The following SPOCK3 variants were observed in gnomAD, a reference collection of about 807,000 sequenced individuals.
SPOCK3 encodes the protein testican-3.
SPOCK3 carries 30 observed loss-of-function variants against 56.6 expected under a neutral mutation model. The ratio of observed to expected loss-of-function variants is 0.53; its 90% CI spans 0.40 to 0.72. The LOEUF is 0.72. SPOCK3 is among the 30% of genes least tolerant of loss of function. SPOCK3 has a pLI of 0.00. For synonymous variants in SPOCK3, 196 were observed against 183.3 expected, an observed-to-expected ratio of 1.07 and a Z score of -0.56; for missense variants, 527 against 530.0, an observed-to-expected ratio of 0.99 and a Z score of 0.06.
chr4:166,736,997 C>T (rs1734279273), intron 10 of SPOCK3, among the ~76,000 whole-genome samples: 2 of 152,196 alleles, frequency 1.3e-5, no homozygotes, highest in African/African-American at 4.8e-5. Flanking sequence ...AGGAAACATG[C>T]TCATATAGCT....
chr4:166,867,802 T>C (rs1162370632), intron 6 of SPOCK3, among the ~76,000 whole-genome samples: 1 of 151,726 alleles, frequency 6.6e-6, no homozygotes, highest in East Asian at 1.9e-4. Flanking sequence ...CAGATACTAA[T>C]TTGTGAAAGG....
chr4:166,944,255 G>A (rs943753803), intron 4 of SPOCK3, among the ~76,000 whole-genome samples: 4 of 151,942 alleles, frequency 2.6e-5, no homozygotes, highest in Non-Finnish European at 5.9e-5. Flanking sequence ...GGATTGTATA[G>A]ATATATGAGT....
intron 2 of SPOCK3, among the ~76,000 whole-genome samples, chr4:167,164,768 C>T (rs1392644011): frequency 1.3e-5 from 2 of 152,026 alleles, no homozygotes; most frequent in Admixed American, 1.3e-4. Flanking sequence ...AGGTCATTAT[C>T]TTATCCTTTT....
chr4:167,020,760 CATT>C (rs1268592174), intron 3 of SPOCK3, among the ~76,000 whole-genome samples: 2 of 152,000 alleles, frequency 1.3e-5, no homozygotes, highest in Non-Finnish European at 2.9e-5. Flanking sequence ...AAAGAAGCAT[CATT>C]TTTTCCATGA....
At position 166,951,316 on chromosome 4, in the gene SPOCK3, A is replaced by C. The variant is rs1350896531; in HGVS notation, c.351-38573T>G. Among the ~76,000 whole-genome samples, 5 of 136,720 alleles carry C rather than the reference A, an allele frequency of 3.7e-5. 1 individual carries two copies. The highest frequency in any genetic ancestry group is 4.6e-4 in the South Asian group (2 of 4,368). 89.7% of individuals were successfully genotyped at this position (136,720 alleles called of 152,430 possible). On this transcript the variant is annotated intron_variant, in intron 4 of 10. Coordinates refer to ENST00000357545, the MANE Select transcript of SPOCK3 (RefSeq NM_001040159.2). ...TTACTACAAACACCTCTACGCAAAAAAACTAGAAAATCTAGAAGAAATGGA... is the reference window on the plus strand; with the variant it reads ...TTACTACAAACACCTCTACGCAAAACAACTAGAAAATCTAGAAGAAATGGA...
chr4:167,071,081 A>G (rs1051380515), intron 2 of SPOCK3, among the ~76,000 whole-genome samples: 2 of 151,928 alleles, frequency 1.3e-5, no homozygotes, highest in Non-Finnish European at 2.9e-5. Context: ...ACAATTCCTC[A>G]TTTGTCTCTG....
At chr4:166,789,457 C>A (rs749808149) in intron 7 of SPOCK3, among the ~76,000 whole-genome samples, 2 of 151,646 alleles carry the variant, frequency 1.3e-5, no homozygotes, top group Admixed American at 6.6e-5. Flanking sequence ...AAAACCAAAA[C>A]CAAAAACAAA....
chr4:166,899,508 CTTTT>C (rs781766258), intron 5 of SPOCK3, among the ~76,000 whole-genome samples: 4 of 119,098 alleles, frequency 3.4e-5, no homozygotes, highest in South Asian at 2.7e-4. Context: ...TTCTTTCTTT[CTTTT>C]TTTTTTTTTT....
At chr4:166,913,456 G>GA (rs970856016) in intron 4 of SPOCK3, among the ~76,000 whole-genome samples, 49 of 151,864 alleles carry the variant, frequency 3.2e-4, no homozygotes, top group African/African-American at 1.2e-3. Context: ...TTGAAAGTTA[G>GA]AAAAAAAATT....
intron 4 of SPOCK3, among the ~76,000 whole-genome samples, chr4:166,940,074 A>G (rs1009955938): frequency 1.3e-5 from 2 of 152,214 alleles, no homozygotes; most frequent in African/African-American, 4.8e-5. Context: ...GAAAATGGAC[A>G]TGAACATGCA....
intron 2 of SPOCK3, among the ~76,000 whole-genome samples, chr4:167,195,092 G>A (rs980763258): frequency 4.6e-5 from 7 of 152,148 alleles, no homozygotes; most frequent in African/African-American, 1.7e-4. Flanking sequence ...TACTGCCCCA[G>A]AGCATGAGTA....
At chr4:166,885,722 G>A (rs1424638818) in intron 6 of SPOCK3, among the ~76,000 whole-genome samples, 1 of 151,872 alleles carries the variant, frequency 6.6e-6, no homozygotes, top group African/African-American at 2.4e-5. Flanking sequence ...TGCATGTTGG[G>A]GTTAAAATAT....
chr4:167,089,441 G>T (rs556836258), intron 2 of SPOCK3, among the ~76,000 whole-genome samples: 1 of 152,046 alleles, frequency 6.6e-6, no homozygotes, highest in African/African-American at 2.4e-5. Flanking sequence ...TTTAGCCCGT[G>T]CACTGATATG....
At chr4:166,952,638 T>C (rs543762034) in intron 4 of SPOCK3, among the ~76,000 whole-genome samples, 143 of 152,012 alleles carry the variant, frequency 9.4e-4, no homozygotes, top group African/African-American at 3.2e-3. Context: ...CAATCCTAAG[T>C]CAAAAGAACA....
intron 2 of SPOCK3, among the ~76,000 whole-genome samples, chr4:167,080,226 G>T (rs748560119): frequency 2.5e-4 from 38 of 151,982 alleles, no homozygotes; most frequent in African/African-American, 9.2e-4. Flanking sequence ...GAGACAATTT[G>T]CCATCAGTAT....
intron 2 of SPOCK3, chr4:167,083,114 T>C: frequency 2.6e-6 from 2 of 755,506 alleles, no homozygotes; most frequent in East Asian, 4.9e-5. Context: ...GAATGAGTGG[T>C]ACTTCTTAAC....
chr4:166,969,449 C>T lies in SPOCK3; in HGVS notation c.350+30900G>A, dbSNP rs568866240. On this transcript the variant is annotated intron_variant, in intron 4 of 10. Coordinates refer to ENST00000357545, the MANE Select transcript of SPOCK3 (RefSeq NM_001040159.2). The stretch of plus-strand genomic sequence containing the variant: ...TCATGGAGGTGAATTTCCTCCTCAC[C>T]GTTCTTGTGGTAGTGAGTTTTCATG... Among the ~76,000 whole-genome samples the T allele has an allele frequency of 1.4e-4, 21 of 145,346 alleles. 1 individual carries two copies. In the South Asian group the frequency reaches 3.3e-3, roughly 23 times the overall value.
intron 4 of SPOCK3, among the ~76,000 whole-genome samples, chr4:166,993,403 G>A (rs936007765): frequency 1.5e-4 from 23 of 152,114 alleles, no homozygotes; most frequent in African/African-American, 5.6e-4. Context: ...AATGCTAAAG[G>A]ATGTAAAGCA....
intron 2 of SPOCK3, among the ~76,000 whole-genome samples, chr4:167,109,276 T>G (rs1374071891): frequency 1.1e-5 from 1 of 88,512 alleles, no homozygotes; most frequent in Non-Finnish European, 2.0e-5. Context: ...ATTATAAAAA[T>G]TAAGTATTAA....
Sources: allele counts gnomAD v4.1 joint callset (sites outside exome capture counted in the v4.1 genomes callset), GRCh38; gene constraint gnomAD v4.1.1; transcripts MANE v1.5; gene names NCBI Gene and HGNC (gene_info 2026-07-23, HGNC 2026-07-21).